Variants in TACC2 observed in about 807,000 individuals in gnomAD.
TACC2 encodes the protein transforming acidic coiled-coil-containing protein 2.
In TACC2, 137 loss-of-function variants were observed where a neutral mutation model predicts 227.3. That is an observed-to-expected ratio of 0.60 (90% confidence interval 0.52 to 0.69). The LOEUF (loss-of-function observed/expected upper bound fraction) is 0.69. Ranked by LOEUF, TACC2 falls within the 30% of genes least tolerant of loss-of-function variation. The pLI is 0.00. For synonymous variants in TACC2, 1,523 were observed against 1,487.5 expected (o/e 1.02, Z -0.55); for missense variants, 3,470 against 3,694.4 (o/e 0.94, Z 1.57).
intron 5 of TACC2, chr10:122,112,909 G>A (rs958842704): frequency 1.3e-5 from 2 of 152,070 alleles, no homozygotes; most frequent in Non-Finnish European, 2.9e-5. Context: ...AGGAGAGCGC[G>A]GCGGGCGCCC....
intron 7 of TACC2, among the ~76,000 whole-genome samples, chr10:122,156,541 A>G (rs1365974394): frequency 1.3e-5 from 2 of 152,162 alleles, no homozygotes; most frequent in Non-Finnish European, 2.9e-5. Context: ...TCACTCTTTC[A>G]TAAACAGTTC....
At position 122,087,482 on chromosome 10, in the gene TACC2, GA is replaced by G; in HGVS notation, c.4983del (p.Arg1661SerfsTer51). The G allele has an allele frequency of 1.9e-6, 3 of 1,614,024 alleles. No homozygotes were observed. Among genetic ancestry groups the G allele is most frequent in the Non-Finnish European group, 2.5e-6 (3 of 1,180,040 alleles). On this transcript the variant is annotated frameshift_variant, in exon 4 of 23. Coordinates refer to ENST00000369005, the MANE Select transcript of TACC2 (RefSeq NM_206862.4). LOFTEE classifies it high-confidence loss of function. ...CTTGACACGCTTGGGGGTGAAAGGA[GA>G]CCCGGAGTCACTGCTGGCATCTTGG... ...WTLDTLGGER[R>X]PGVTAGILEM...
intron 3 of TACC2, 34 bp from the exon 4 acceptor site, chr10:122,082,613 C>A: frequency 6.4e-7 from 1 of 1,571,380 alleles, no homozygotes; most frequent in South Asian, 1.2e-5. Context: ...TCCTTGGCAT[C>A]CATGATAACC....
chr10:122,224,650 A>C, intron 11 of TACC2, 76 bp from the exon 12 acceptor site: 1 of 1,365,374 alleles, frequency 7.3e-7, no homozygotes, highest in Non-Finnish European at 1.0e-6. Context: ...CCTGGCTCAG[A>C]TCTTCCCATT....
At chr10:122,174,595 C>T (rs1269757497) in intron 7 of TACC2, among the ~76,000 whole-genome samples, 1 of 152,036 alleles carries the variant, frequency 6.6e-6, no homozygotes, top group African/African-American at 2.4e-5. Context: ...ACACTATGCT[C>T]CTGTTTTTTT....
rs147969943 is a variant in TACC2 at position 122,006,451 on chromosome 10, AAAATAAAT to A, written c.-45-15462_-45-15455del. On this transcript the variant is annotated intron_variant, in intron 1 of 22. Transcript: ENST00000369005. Reference sequence around the variant, plus strand: ...GCTACAGAGTGAGACTCAGTCTCAAAAAATAAATAAATAAATAAATAAATAAATAAAAA... The same window carrying A: ...GCTACAGAGTGAGACTCAGTCTCAAAAAATAAATAAATAAATAAATAAAAA... Among the ~76,000 whole-genome samples, 279 of 149,348 alleles carry A rather than the reference AAAATAAAT, an allele frequency of 1.9e-3. 1 individual carries two copies. The highest frequency in any genetic ancestry group is 6.2e-3 in the African/African-American group (252 of 40,684).
intron 5 of TACC2, among the ~76,000 whole-genome samples, chr10:122,098,413 G>A (rs1324921848): frequency 1.3e-5 from 2 of 152,164 alleles, no homozygotes; most frequent in African/African-American, 2.4e-5. Context: ...AACACAACTA[G>A]CTATCAGGTG....
intron 5 of TACC2, among the ~76,000 whole-genome samples, chr10:122,093,668 T>A (rs2081070933): frequency 6.6e-6 from 1 of 152,198 alleles, no homozygotes; most frequent in Non-Finnish European, 1.5e-5. Flanking sequence ...TTCGTTACCT[T>A]GGATAAGCTG....
intron 5 of TACC2, among the ~76,000 whole-genome samples, chr10:122,104,909 T>C (rs924641005): frequency 2.6e-5 from 4 of 152,216 alleles, no homozygotes; most frequent in Non-Finnish European, 5.9e-5. Context: ...ATCCCTGTCA[T>C]GTGGTAGCCA....
intron 11 of TACC2, among the ~76,000 whole-genome samples, chr10:122,219,383 T>C (rs2095479958): frequency 6.6e-6 from 1 of 152,216 alleles, no homozygotes; most frequent in Non-Finnish European, 1.5e-5. Context: ...TGTGTGTGCA[T>C]TTCTTGCTTC....
At chr10:122,033,186 C>T (rs1591296855) in intron 2 of TACC2, 1 of 1,261,572 alleles carries the variant, frequency 7.9e-7, no homozygotes, top group Non-Finnish European at 1.0e-6. Context: ...GCATGGCTTC[C>T]CTCTCAGCCC....
chr10:121,999,012 C>CTTTTT (rs201601074), intron 1 of TACC2, among the ~76,000 whole-genome samples: 1 of 142,124 alleles, frequency 7.0e-6, no homozygotes. Context: ...TTCTTTCTTT[C>CTTTTT]TTTTTTTTTT....
intron 1 of TACC2, 26 bp downstream of exon 1, chr10:121,989,514 A>C (rs1952944070): frequency 6.6e-6 from 1 of 152,122 alleles, no homozygotes; most frequent in South Asian, 2.1e-4. Context: ...AGGGCTGGAA[A>C]ATGAAGTTGG....
chr10:122,058,795 G>A (rs1176286368), intron 3 of TACC2, among the ~76,000 whole-genome samples: 1 of 152,000 alleles, frequency 6.6e-6, no homozygotes, highest in Non-Finnish European at 1.5e-5. Context: ...CTAAGGTTCT[G>A]GATCAAGAAC....
chr10:122,100,426 CTTTT>C (rs1219805294), intron 5 of TACC2, among the ~76,000 whole-genome samples: 3 of 141,276 alleles, frequency 2.1e-5, no homozygotes, highest in African/African-American at 5.2e-5. Flanking sequence ...TCTTCTCTTC[CTTTT>C]TTTTTTTTTT....
At chr10:122,091,868 G>C (rs1451252199) in intron 5 of TACC2, among the ~76,000 whole-genome samples, 2 of 152,162 alleles carry the variant, frequency 1.3e-5, no homozygotes, top group Admixed American at 6.5e-5. Flanking sequence ...GAATTTCAGG[G>C]ACAGGTCTCT....
chr10:122,240,611 G>A (rs751027706), intron 18 of TACC2, among the ~76,000 whole-genome samples: 1 of 152,168 alleles, frequency 6.6e-6, no homozygotes, highest in African/African-American at 2.4e-5. Context: ...CGTGCTCAGG[G>A]TCACACAGCT....
chr10:122,059,337 T>C (rs1336121590), intron 3 of TACC2, among the ~76,000 whole-genome samples: 1 of 151,934 alleles, frequency 6.6e-6, no homozygotes, highest in African/African-American at 2.4e-5. Context: ...AAAGTACCCG[T>C]TTCCTGAACA....
Position 122,210,557 on chromosome 10 carries a change from G to A in TACC2, c.6132G>A (p.Glu2044=), listed in dbSNP as rs773783823. 87 of 1,614,150 alleles carry A rather than the reference G, an allele frequency of 5.4e-5. 1 individual carries two copies. The Admixed American group carries it at 1.4e-3, about 26-fold the overall frequency. ...GTYNLDFDNI[E]LVDTFQTLEP... ...ACAACTTGGACTTTGACAACATTGAGCTTGTGGATACCTTTCAGACCTTGG... is the reference window on the plus strand; with the variant it reads ...ACAACTTGGACTTTGACAACATTGAACTTGTGGATACCTTTCAGACCTTGG... The change falls in exon 9 of 23, where the codon GAG becomes GAA. Residue 2044 remains glutamate (E), a synonymous_variant. Coordinates refer to ENST00000369005, the MANE Select transcript of TACC2 (RefSeq NM_206862.4). The surrounding 1 kb of genome is among the most constrained non-coding windows in gnomAD (Gnocchi z 4.6).
Sources: allele counts gnomAD v4.1 joint callset (sites outside exome capture counted in the v4.1 genomes callset), GRCh38; gene constraint gnomAD v4.1.1; non-coding constraint Gnocchi (gnomAD v3.1); transcripts MANE v1.5; gene names NCBI Gene and HGNC (gene_info 2026-07-23, HGNC 2026-07-21).